RIMKLB: variants seen among roughly 807,000 people sequenced by gnomAD.
The protein encoded by RIMKLB is beta-citrylglutamate synthase B.
Under a neutral mutation model 32.0 loss-of-function variants are expected in RIMKLB, and 7 were observed. That is an observed-to-expected ratio of 0.22 (90% confidence interval 0.12 to 0.41). The LOEUF is 0.41. Among genes scored for constraint, RIMKLB ranks in the 10% least tolerant of loss-of-function variants. The pLI is 1.00. For missense variants in RIMKLB, 289 were observed against 498.7 expected (o/e 0.58, Z 4.00); for synonymous variants, 172 against 185.1 (o/e 0.93, Z 0.57).
chr12:8,679,543 C>A, upstream of RIMKLB: 1 of 165,782 alleles, frequency 6.0e-6, no homozygotes. Context: ...AAGTTAAAGC[C>A]TTCCTTTTGC....
chr12:8,757,339 A>G (rs1266658658), intron 5 of RIMKLB, among the ~76,000 whole-genome samples: 1 of 152,076 alleles, frequency 6.6e-6, no homozygotes. Flanking sequence ...ACCAGCCTGA[A>G]CAATGTAGAG....
intron 5 of RIMKLB, among the ~76,000 whole-genome samples, chr12:8,766,459 C>T (rs1368987548): frequency 6.6e-6 from 1 of 152,172 alleles, no homozygotes; most frequent in Admixed American, 6.5e-5. Context: ...CCATAAACAA[C>T]AGTTCTTAGG....
At chr12:8,670,188 T>C in the RIMKLB span, among the ~76,000 whole-genome samples, 1 of 152,080 alleles carries the variant, frequency 6.6e-6, no homozygotes, top group Admixed American at 6.6e-5. Flanking sequence ...CCAAATCTCA[T>C]GTCCTCACAT....
At chr12:8,782,884 T>C (rs1565444861) in intron 7 of RIMKLB, 1 of 152,216 alleles carries the variant, frequency 6.6e-6, no homozygotes. Context: ...AATCTATGAT[T>C]TAAATAAGTT....
chr12:8,716,012 GGGAGCCAT>G (rs760239734), intron 2 of RIMKLB, among the ~76,000 whole-genome samples: 19 of 152,262 alleles, frequency 1.2e-4, no homozygotes, highest in Non-Finnish European at 2.5e-4. Context: ...TTAGTGTATT[GGGAGCCAT>G]GTTCTTGAAG....
chr12:8,692,025 T>G (rs1054831791), intron 1 of RIMKLB, among the ~76,000 whole-genome samples: 1 of 152,206 alleles, frequency 6.6e-6, no homozygotes, highest in Non-Finnish European at 1.5e-5. Flanking sequence ...CTTTAATACT[T>G]GATGCTTCCT....
At chr12:8,721,530 G>A (rs1182031781) in intron 2 of RIMKLB, among the ~76,000 whole-genome samples, 1 of 152,148 alleles carries the variant, frequency 6.6e-6, no homozygotes, top group Non-Finnish European at 1.5e-5. Context: ...CAACTCATCT[G>A]TTCAGCAATC....
intron 5 of RIMKLB, among the ~76,000 whole-genome samples, chr12:8,763,278 G>A (rs1565415147): frequency 6.6e-6 from 1 of 151,972 alleles, no homozygotes; most frequent in Non-Finnish European, 1.5e-5. Context: ...AGCTATTCCT[G>A]TTTTTTTTCT....
chr12:8,749,318 C>G (rs1461956780), intron 2 of RIMKLB, among the ~76,000 whole-genome samples: 3 of 151,580 alleles, frequency 2.0e-5, no homozygotes, highest in Non-Finnish European at 2.9e-5. Context: ...TCAAGTGATT[C>G]TCCTGCCTCA....
chr12:8,695,218 C>G (rs981591427), upstream of RIMKLB, among the ~76,000 whole-genome samples: 1 of 149,232 alleles, frequency 6.7e-6, no homozygotes, highest in Non-Finnish European at 1.5e-5. Flanking sequence ...CGCCCGGCCC[C>G]GACACCTCCG....
upstream of RIMKLB, among the ~76,000 whole-genome samples, chr12:8,680,988 C>CT (rs149951264): frequency 0.01 from 1,516 of 145,652 alleles, 12 homozygotes; most frequent in East Asian, 0.028. Flanking sequence ...CAGGTCTGGT[C>CT]TTTTTTTTTT....
chr12:8,713,821 C>T lies in RIMKLB; in HGVS notation c.-46C>T. The T allele has an allele frequency of 1.3e-6, 2 of 1,597,024 alleles. No homozygotes were observed. The highest frequency in any genetic ancestry group is 8.6e-7 in the Non-Finnish European group (1 of 1,164,552). Reference sequence around the variant, plus strand: ...TTTTCTTCCATCTAGGTAGACGTTACATCCAAGAGGAAATAATCCAGGCAA... The same window carrying T: ...TTTTCTTCCATCTAGGTAGACGTTATATCCAAGAGGAAATAATCCAGGCAA... On this transcript the variant is annotated 5_prime_UTR_variant, in exon 2 of 6. Coordinates refer to ENST00000535829, the MANE Select transcript of RIMKLB (RefSeq NM_001297776.2).
rs757692505 is a variant in RIMKLB at position 8,753,960 on chromosome 12, G to A, written c.564G>A (p.Ala188=). Residue 188 remains alanine, a synonymous_variant, in exon 5 of 6, where the codon GCG becomes GCA. Transcript: ENST00000535829. ...TAAGCCATCTTATTCGCCATGAAGC[G>A]CCATACCTGTTCCAGAAGTATGTTA... ...ADLSHLIRHE[A]PYLFQKYVKE... is the part of the protein sequence containing the mutation. 2.9e-5 allele frequency: 46 copies of A among 1,613,766 alleles called. No individual in the cohort carries two copies. The East Asian group carries it at 9.4e-4, about 33-fold the overall frequency.
intron 2 of RIMKLB, among the ~76,000 whole-genome samples, chr12:8,747,325 G>A (rs11047042): frequency 0.071 from 10,771 of 152,012 alleles, 1,241 homozygotes; most frequent in African/African-American, 0.24. Context: ...AGAGAGACAC[G>A]CATATTGTTA....
Position 8,720,845 on chromosome 12 carries a change from G to A in RIMKLB, c.175+6804G>A, listed in dbSNP as rs768803652. Reference sequence around the variant, plus strand: ...ATGAGCCACCGCGCCTGGCCTACCCGTTTTAAATAAGAGATTAAGAAGCTT... The same window carrying A: ...ATGAGCCACCGCGCCTGGCCTACCCATTTTAAATAAGAGATTAAGAAGCTT... On this transcript the variant is annotated intron_variant, in intron 2 of 5. Transcript: ENST00000535829. 7.2e-5 allele frequency among the ~76,000 whole-genome samples: 11 copies of A among 152,160 alleles called. No individual in the cohort carries two copies. In the South Asian group the frequency reaches 1.0e-3, roughly 14 times the overall value.
At chr12:8,694,863 C>T (rs1382318567), upstream of RIMKLB, among the ~76,000 whole-genome samples, 2 of 152,206 alleles carry the variant, frequency 1.3e-5, no homozygotes, top group East Asian at 3.8e-4. Context: ...GATTATCACA[C>T]ATATCTAAAC....
upstream of RIMKLB, among the ~76,000 whole-genome samples, chr12:8,680,985 G>A (rs1005181908): frequency 7.1e-6 from 1 of 141,412 alleles, no homozygotes; most frequent in Admixed American, 7.0e-5. Context: ...CTTCAGGTCT[G>A]GTCTTTTTTT....
At chr12:8,684,319 C>G (rs1042993377) in intron 1 of RIMKLB, among the ~76,000 whole-genome samples, 1 of 151,962 alleles carries the variant, frequency 6.6e-6, no homozygotes, top group Admixed American at 6.6e-5. Context: ...ACTACAGGCA[C>G]ACGCCACCAC....
intron 7 of RIMKLB, among the ~76,000 whole-genome samples, chr12:8,782,350 C>T (rs1459754338): frequency 2.7e-5 from 4 of 150,864 alleles, no homozygotes; most frequent in Admixed American, 1.3e-4. Context: ...GCATAATTGT[C>T]TTTATTATAG....
Sources: allele counts gnomAD v4.1 joint callset (sites outside exome capture counted in the v4.1 genomes callset), GRCh38; gene constraint gnomAD v4.1.1; transcripts MANE v1.5; gene names NCBI Gene and HGNC (gene_info 2026-07-23, HGNC 2026-07-21).